Variants in PRKAR2B observed in about 807,000 individuals in gnomAD.
PRKAR2B encodes protein kinase cAMP-dependent type II regulatory subunit beta.
In PRKAR2B, 14 loss-of-function variants were observed where a neutral mutation model predicts 49.9. That is an observed-to-expected ratio of 0.28 (90% CI 0.19 to 0.44). The LOEUF (loss-of-function observed/expected upper bound fraction) is 0.44, where lower values mean the gene tolerates loss of function less well. Among genes scored for constraint, PRKAR2B ranks in the 20% least tolerant of loss-of-function variants. The probability of loss-of-function intolerance (pLI) is 1.00; values close to 1 mark genes in which losing one functional copy is unlikely to be tolerated. For missense variants in PRKAR2B, 393 were observed against 537.9 expected (o/e 0.73, Z 2.67); for synonymous variants, 196 against 197.7 (o/e 0.99, Z 0.07).
At chr7:107,087,817 G>A (rs1234188548) in intron 2 of PRKAR2B, among the ~76,000 whole-genome samples, 3 of 152,052 alleles carry the variant, frequency 2.0e-5, no homozygotes, top group Admixed American at 2.0e-4. Flanking sequence ...TATCTCTCTT[G>A]AATTAGTCTT....
Position 107,159,738 on chromosome 7 carries a change from TAGTC to T in PRKAR2B, c.*158_*161del, listed in dbSNP as rs2115688927. ...GTATCAATAAACAGTAGTGATTTAA[TAGTC>T]AATAGGCTTTAACATCACTTTCTAA... On this transcript the variant is annotated 3_prime_UTR_variant, in exon 11 of 11. Coordinates refer to ENST00000265717, the MANE Select transcript of PRKAR2B (RefSeq NM_002736.3). 1.5e-6 allele frequency: 1 copy of T among 657,674 alleles called. No individual in the cohort carries two copies. The highest frequency in any genetic ancestry group is 2.4e-6 in the Non-Finnish European group (1 of 409,344). The allele number at this position is 657,674 out of a possible 1,614,324, so 40.7% of individuals were successfully genotyped here. A position where few individuals can be genotyped will look rare whatever the true frequency, so the allele number is the denominator to read the frequency against.
chr7:107,116,164 A>G (rs892336122), intron 2 of PRKAR2B, among the ~76,000 whole-genome samples: 2 of 152,224 alleles, frequency 1.3e-5, no homozygotes, highest in East Asian at 1.9e-4. Context: ...TAAAGTGACC[A>G]TTTATTTCTT....
intron 2 of PRKAR2B, among the ~76,000 whole-genome samples, chr7:107,075,481 C>T (rs1794379511): frequency 6.6e-6 from 1 of 151,928 alleles, no homozygotes; most frequent in Admixed American, 6.6e-5. Context: ...CTCACTGCAG[C>T]CTCCACCTTC....
chr7:107,156,973 G>A lies in PRKAR2B; in HGVS notation c.919-11G>A, dbSNP rs374633787. On this transcript the variant is annotated splice_polypyrimidine_tract_variant and intron_variant, in intron 8 of 10. Coordinates refer to ENST00000265717, the MANE Select transcript of PRKAR2B (RefSeq NM_002736.3). ...ATTTTCACCGTCTGTTTTTGTTATTGATTCCAATAGGGAGATTCGGCTGAT... is the reference window on the plus strand; with the variant it reads ...ATTTTCACCGTCTGTTTTTGTTATTAATTCCAATAGGGAGATTCGGCTGAT... 1.2e-6 allele frequency: 2 copies of A among 1,600,144 alleles called. No individual in the cohort carries two copies. The highest frequency in any genetic ancestry group is 1.7e-6 in the Non-Finnish European group (2 of 1,168,506).
chr7:107,121,112 T>C (rs1307938704), intron 2 of PRKAR2B, among the ~76,000 whole-genome samples: 1 of 151,904 alleles, frequency 6.6e-6, no homozygotes, highest in Non-Finnish European at 1.5e-5. Context: ...TAGGGGGGTC[T>C]TATTACATAT....
At chr7:107,122,195 C>G (rs892222768) in intron 3 of PRKAR2B, among the ~76,000 whole-genome samples, 191 bp downstream of exon 3, 6 of 152,128 alleles carry the variant, frequency 3.9e-5, no homozygotes, top group African/African-American at 7.2e-5. Flanking sequence ...TTATTTTTAT[C>G]CAGAGAGTAT....
intron 1 of PRKAR2B, among the ~76,000 whole-genome samples, chr7:107,069,159 C>T (rs927019247): frequency 2.0e-5 from 3 of 152,206 alleles, no homozygotes; most frequent in African/African-American, 7.2e-5. Flanking sequence ...TGGTCTCAAA[C>T]TCCTCACCTC....
Position 107,045,073 on chromosome 7 carries a change from AGGACCTGGGG to A in PRKAR2B, c.176_185del (p.Gly59AlafsTer44). ...CACCGCGCGCTTCGGCCATGAGGGC[AGGACCTGGGG>A]GGACCTGGGCGCCGCTGCCGGGGGC... On this transcript the variant is annotated frameshift_variant, in exon 1 of 11. Transcript: ENST00000265717. LOFTEE classifies it high-confidence loss of function. 4 of 1,540,994 alleles carry A rather than the reference AGGACCTGGGG, an allele frequency of 2.6e-6. No homozygotes were observed. The highest frequency in any genetic ancestry group is 2.6e-6 in the Non-Finnish European group (3 of 1,147,588).
At chr7:107,151,090 G>A in intron 7 of PRKAR2B, 67 bp downstream of exon 7, 1 of 910,336 alleles carries the variant, frequency 1.1e-6, no homozygotes, top group Non-Finnish European at 1.5e-6. Context: ...GGAATATTTA[G>A]TTCTATAGAA....
chr7:107,150,013 A>G (rs1795954932), intron 6 of PRKAR2B, among the ~76,000 whole-genome samples: 1 of 151,518 alleles, frequency 6.6e-6, no homozygotes, highest in African/African-American at 2.4e-5. Context: ...AAATAAAAGT[A>G]AAAAAAAATT....
At position 107,161,167 on chromosome 7, in the gene PRKAR2B, T is replaced by C. The variant is rs890655812; in HGVS notation, c.*1585T>C. The stretch of plus-strand genomic sequence containing the variant: ...AACTTCAGCCACATTTTTAGAACAC[T>C]GTTTAACATTTTTGCAAAACCTTCT... On this transcript the variant is annotated 3_prime_UTR_variant, in exon 11 of 11. Coordinates refer to ENST00000265717, the MANE Select transcript of PRKAR2B (RefSeq NM_002736.3). 6.6e-6 allele frequency: 1 copy of C among 152,220 alleles called. No homozygotes were observed. Among genetic ancestry groups the C allele is most frequent in the Non-Finnish European group, 1.5e-5 (1 of 68,022 alleles). The allele number at this position is 152,220 out of a possible 1,614,324, so 9.4% of individuals were successfully genotyped here.
chr7:107,102,202 G>A (rs553244167), intron 2 of PRKAR2B, among the ~76,000 whole-genome samples: 3 of 152,160 alleles, frequency 2.0e-5, no homozygotes, highest in South Asian at 4.1e-4. Flanking sequence ...GCGAGACTCC[G>A]TCTCAAAAAG....
intron 7 of PRKAR2B, 128 bp downstream of exon 7, chr7:107,151,151 T>A: frequency 1.9e-6 from 1 of 525,800 alleles, no homozygotes; most frequent in Non-Finnish European, 3.3e-6. Context: ...TTGAAAAGAT[T>A]AAATGGTAGT....
At chr7:107,107,302 G>A (rs770693312) in intron 2 of PRKAR2B, among the ~76,000 whole-genome samples, 6 of 151,834 alleles carry the variant, frequency 4.0e-5, no homozygotes, top group East Asian at 2.0e-4. Context: ...GCGCCATTGC[G>A]CTCCAGCCTG....
At chr7:107,126,922 T>C (rs1158990165) in intron 3 of PRKAR2B, among the ~76,000 whole-genome samples, 1 of 152,178 alleles carries the variant, frequency 6.6e-6, no homozygotes, top group Non-Finnish European at 1.5e-5. Flanking sequence ...TACCTTACCC[T>C]TAGAGGGGAA....
chr7:107,055,383 T>G (rs1433918585), intron 1 of PRKAR2B, among the ~76,000 whole-genome samples: 7 of 152,270 alleles, frequency 4.6e-5, no homozygotes, highest in Non-Finnish European at 7.4e-5. Flanking sequence ...CTGAGGAATC[T>G]CCACACTGAC....
At position 107,123,807 on chromosome 7, in the gene PRKAR2B, A is replaced by G. The variant is rs150750399; in HGVS notation, c.396+1803A>G. ...GTCCCCTGTAACACCTTTTAAAGTT[A>G]TATTTAATAGTTTTTTTGTTAATGT... On this transcript the variant is annotated intron_variant, in intron 3 of 10. Coordinates refer to ENST00000265717, the MANE Select transcript of PRKAR2B (RefSeq NM_002736.3). Among the ~76,000 whole-genome samples the G allele has an allele frequency of 2.6e-5, 4 of 152,294 alleles. No individual in the cohort carries two copies. The East Asian group carries it at 7.7e-4, about 29-fold the overall frequency.
At chr7:107,060,931 T>C (rs1008632603) in intron 1 of PRKAR2B, among the ~76,000 whole-genome samples, 1 of 152,168 alleles carries the variant, frequency 6.6e-6, no homozygotes, top group African/African-American at 2.4e-5. Context: ...TTTATTCTTA[T>C]ATATGGTATG....
At chr7:107,143,377 C>T (rs1358955813) in intron 5 of PRKAR2B, among the ~76,000 whole-genome samples, 2 of 152,214 alleles carry the variant, frequency 1.3e-5, no homozygotes, top group Non-Finnish European at 2.9e-5. Flanking sequence ...ACAGCTTATT[C>T]AGCATCCCCG....
Sources: gnomAD v4.1 joint callset for allele counts (sites outside exome capture counted in the v4.1 genomes callset) on GRCh38, gnomAD v4.1.1 for gene constraint, MANE v1.5 for transcripts, NCBI Gene and HGNC (gene_info 2026-07-23, HGNC 2026-07-21) for gene names.